MYL3: variants seen among roughly 807,000 people sequenced by gnomAD.
The protein encoded by MYL3 is CMLC1.
In MYL3, 11 loss-of-function variants were observed where a neutral mutation model predicts 21.3. The observed-to-expected ratio is 0.52, with a 90% CI of 0.32 to 0.85. The LOEUF (loss-of-function observed/expected upper bound fraction) is 0.85, where lower values mean the gene tolerates loss of function less well. Ranked by LOEUF, MYL3 falls within the 40% of genes least tolerant of loss-of-function variation. MYL3 has a pLI of 0.03. For synonymous variants in MYL3, 88 were observed against 91.6 expected (o/e 0.96, Z 0.22); for missense variants, 206 against 253.3 (o/e 0.81, Z 1.27).
At chr3:46,869,599 GC>G (rs1453992105) in intron 1 of MYL3, among the ~76,000 whole-genome samples, 2 of 152,268 alleles carry the variant, frequency 1.3e-5, no homozygotes, top group Non-Finnish European at 1.5e-5. Flanking sequence ...AGAGGATGAG[GC>G]CACACGTGTG....
Position 46,863,385 on chromosome 3 carries a change from G to C in MYL3, c.6C>G (p.Ala2=). 6.2e-7 allele frequency: 1 copy of C among 1,613,224 alleles called. No homozygotes were observed. Among genetic ancestry groups the C allele is most frequent in the East Asian group, 2.2e-5 (1 of 44,882 alleles). Reference sequence around the variant, plus strand: ...CCTTCTTGGGCTCTGGCTTTTTGGGGGCCATTGGGGGCTGTAAGTACAGAG... The same window carrying C: ...CCTTCTTGGGCTCTGGCTTTTTGGGCGCCATTGGGGGCTGTAAGTACAGAG... M[A]PKKPEPKKDD... The change falls in exon 1 of 7, where the codon GCC becomes GCG. Residue 2 remains alanine, a synonymous_variant. Transcript: ENST00000292327.
Position 46,863,336 on chromosome 3 carries a change from C to A in MYL3, c.55G>T (p.Ala19Ser), listed in dbSNP as rs141778691. 1.9e-5 allele frequency: 31 copies of A among 1,613,846 alleles called. No homozygotes were observed. The highest frequency in any genetic ancestry group is 2.4e-5 in the Non-Finnish European group (28 of 1,180,032). ...KKDDAKAAPK[A>S]APAPAPPPEP... The stretch of plus-strand genomic sequence containing the variant: ...GGGGGAGGTGCGGGAGCTGGAGCTG[C>A]CTTGGGGGCTGCCTTGGCATCATCC... The change falls in exon 1 of 7, where the codon GCA becomes TCA. Residue 19 changes from alanine to serine, a missense_variant. By Grantham distance (99) the Ala-to-Ser change is moderately conservative (BLOSUM62 1). Transcript: ENST00000292327.
At position 46,872,461 on chromosome 3, in the gene MYL3, C is replaced by A. The variant is rs2029972484; in HGVS notation, c.-217-5861G>T. 1.3e-5 allele frequency among the ~76,000 whole-genome samples: 2 copies of A among 151,944 alleles called. 1 individual carries two copies. Among genetic ancestry groups the A allele is most frequent in the Non-Finnish European group, 2.9e-5 (2 of 67,936 alleles). On this transcript the variant is annotated intron_variant, in intron 1 of 3. Transcript: ENST00000431168. ...CCCAAGACCCCCCCCCTCAGCCCAC[C>A]CCCAACCAGCATGCTCGTGGCCCCT...
chr3:46,877,169 G>C lies in MYL3; in HGVS notation c.-218+4905C>G, dbSNP rs59227639. 6.0e-3 allele frequency among the ~76,000 whole-genome samples: 907 copies of C among 152,264 alleles called. 10 individuals carry two copies. The highest frequency in any genetic ancestry group is 0.02 in the African/African-American group (830 of 41,542). ...ATGAGGTGGCTGTGGGGCTGTAGGG[G>C]TCAGGACACGGGCTGGAGTGGAATG... On this transcript the variant is annotated intron_variant, in intron 1 of 3. Coordinates refer to the MYL3 transcript ENST00000431168.
At position 46,860,660 on chromosome 3, in the gene MYL3, C is replaced by T. The variant is rs759754750; in HGVS notation, c.307+16G>A. The stretch of plus-strand genomic sequence containing the variant: ...CCGGTACTAACACTATGGGGGCTCT[C>T]GGGCAGGTGCACTACCTTCCTGTCT... On this transcript the variant is annotated intron_variant, in intron 3 of 6. Coordinates refer to ENST00000292327, the MANE Select transcript of MYL3 (RefSeq NM_000258.3). The surrounding 1 kb of genome is among the most constrained non-coding windows in gnomAD (Gnocchi z 4.6). The T allele has an allele frequency of 1.5e-4, 240 of 1,612,442 alleles. No individual in the cohort carries two copies. Among genetic ancestry groups the T allele is most frequent in the Middle Eastern group, 1.7e-4 (1 of 5,922 alleles).
At chr3:46,867,120 A>G (rs965535039), upstream of MYL3, among the ~76,000 whole-genome samples, 2 of 151,936 alleles carry the variant, frequency 1.3e-5, no homozygotes, top group Admixed American at 1.3e-4. Flanking sequence ...GGAGACCTAG[A>G]CCCAGATCCT....
At chr3:46,863,110 G>A in intron 1 of MYL3, 152 bp downstream of exon 1, 2 of 1,153,706 alleles carry the variant, frequency 1.7e-6, no homozygotes, top group Non-Finnish European at 2.6e-6. Context: ...TCTGATGCCT[G>A]AAGCAGTCAG....
In MYL3 at chr3:46,860,379, T is replaced by C. The variant is rs1043345949; in HGVS notation, c.307+297A>G. ...GGCCTCAAGTGATCCTCCCAAAGCA[T>C]TGGGATGACAGCATCCCACTGCCCA... On this transcript the variant is annotated intron_variant, in intron 3 of 6. Transcript: ENST00000292327. This position sits in a 1 kb window ranked among gnomAD's most constrained non-coding sequence, Gnocchi z 4.6. Among the ~76,000 whole-genome samples, 3 of 152,246 alleles carry C rather than the reference T, an allele frequency of 2.0e-5. No individual in the cohort carries two copies. Among genetic ancestry groups the C allele is most frequent in the Middle Eastern group, 3.4e-3 (1 of 294 alleles).
chr3:46,870,482 C>A (rs1702098756), intron 1 of MYL3, among the ~76,000 whole-genome samples: 1 of 152,048 alleles, frequency 6.6e-6, no homozygotes, highest in Non-Finnish European at 1.5e-5. Flanking sequence ...CATGGTGGCC[C>A]CCTACACCCA....
At chr3:46,869,398 A>G (rs914670489) in intron 1 of MYL3, among the ~76,000 whole-genome samples, 4 of 152,090 alleles carry the variant, frequency 2.6e-5, no homozygotes, top group Non-Finnish European at 4.4e-5. Flanking sequence ...GAGACTGCAA[A>G]GGCTGCCCTG....
intron 1 of MYL3, among the ~76,000 whole-genome samples, chr3:46,881,913 G>A (rs1206439608): frequency 1.3e-5 from 2 of 152,134 alleles, no homozygotes; most frequent in African/African-American, 4.8e-5. Flanking sequence ...CTCGCTTCTC[G>A]GCTCAGGGTC....
intron 1 of MYL3, among the ~76,000 whole-genome samples, chr3:46,880,082 A>T (rs972485688): frequency 6.6e-6 from 1 of 152,240 alleles, no homozygotes; most frequent in African/African-American, 2.4e-5. Flanking sequence ...TTAAAATATA[A>T]CACTGAAGAA....
chr3:46,858,522 A>C, intron 4 of MYL3, 61 bp from the exon 5 acceptor site: 1 of 1,538,096 alleles, frequency 6.5e-7, no homozygotes, highest in Non-Finnish European at 8.9e-7. Context: ...GGGTGGGGGC[A>C]CCCACTGAAT....
rs1701970336 is a variant in MYL3, at chr3:46,859,748, T to C, written c.308-100A>G. ...GGAGCTATCCCCACCTCTCACACAG[T>C]TCTACAACAGTCTACACCAGTTCTC... On this transcript the variant is annotated intron_variant, in intron 3 of 6. Transcript: ENST00000292327. This position sits in a 1 kb window ranked among gnomAD's most constrained non-coding sequence, Gnocchi z 4.1. The C allele has an allele frequency of 1.5e-6, 2 of 1,375,832 alleles. No individual in the cohort carries two copies. Among genetic ancestry groups the C allele is most frequent in the South Asian group, 2.3e-5 (2 of 85,282 alleles). 85.2% of individuals were successfully genotyped at this position (1,375,832 alleles called of 1,614,324 possible). A position where few individuals can be genotyped will look rare whatever the true frequency, so the allele number is the denominator to read the frequency against.
rs1191927925 is a variant in MYL3, at chr3:46,859,323, C to G, written c.481+152G>C. On this transcript the variant is annotated intron_variant, in intron 4 of 6. Transcript: ENST00000292327. The surrounding 1 kb of genome is among the most constrained non-coding windows in gnomAD (Gnocchi z 4.1). ...CCAGCATGCTTGCTTTACTCTCCTC[C>G]TAAGTAACATTTCTGTTGTCTGCCA... 6 of 992,912 alleles carry G rather than the reference C, an allele frequency of 6.0e-6. No individual in the cohort carries two copies. Among genetic ancestry groups the G allele is most frequent in the Non-Finnish European group, 9.2e-6 (6 of 650,918 alleles). The allele number at this position is 992,912 out of a possible 1,614,324, so 61.5% of individuals were successfully genotyped here. A position where few individuals can be genotyped will look rare whatever the true frequency, so the allele number is the denominator to read the frequency against.
Position 46,859,638 on chromosome 3 carries a change from G to C in MYL3, c.318C>G (p.Thr106=). The part of the protein sequence containing the change: ...LGKPRQEELN[T]KMMDFETFLP... ...GGAAAGTTTCAAAGTCCATCATCTT[G>C]GTATTGAGCTCTGCAGAGAAATGGT... The change falls in exon 4 of 7, where the codon ACC becomes ACG. Residue 106 remains threonine (T), a synonymous_variant. Transcript: ENST00000292327. The surrounding 1 kb of genome is among the most constrained non-coding windows in gnomAD (Gnocchi z 4.1). The C allele has an allele frequency of 6.2e-7, 1 of 1,614,140 alleles. No homozygotes were observed. The highest frequency in any genetic ancestry group is 1.7e-5 in the Admixed American group (1 of 60,026).
chr3:46,858,214 A>G lies in MYL3; in HGVS notation c.*13+17T>C, dbSNP rs540912159. ...GGCAGGTGGCAGCAGCGGGTTCAGGAGGGAGTGGGTGCCTACCTGGGCACG... is the reference window on the plus strand; with the variant it reads ...GGCAGGTGGCAGCAGCGGGTTCAGGGGGGAGTGGGTGCCTACCTGGGCACG... On this transcript the variant is annotated intron_variant, in intron 6 of 6. Coordinates refer to ENST00000292327, the MANE Select transcript of MYL3 (RefSeq NM_000258.3). 7 of 1,613,968 alleles carry G rather than the reference A, an allele frequency of 4.3e-6. No individual in the cohort carries two copies. The South Asian group carries it at 7.7e-5, about 18-fold the overall frequency.
intron 1 of MYL3, among the ~76,000 whole-genome samples, chr3:46,876,855 CA>C (rs2030247018): frequency 6.6e-6 from 1 of 152,192 alleles, no homozygotes; most frequent in Non-Finnish European, 1.5e-5. Context: ...GGCAGAAGGG[CA>C]GCCTCCAGCC....
chr3:46,871,268 G>A (rs1702111323), intron 1 of MYL3, among the ~76,000 whole-genome samples: 1 of 152,064 alleles, frequency 6.6e-6, no homozygotes. Context: ...CTGTTTGTGT[G>A]TGAACGTGTG....
Sources: allele counts gnomAD v4.1 joint callset (sites outside exome capture counted in the v4.1 genomes callset), GRCh38; gene constraint gnomAD v4.1.1; non-coding constraint Gnocchi (gnomAD v3.1); transcripts MANE v1.5; gene names NCBI Gene and HGNC (gene_info 2026-07-23, HGNC 2026-07-21).